FBXO32: variants seen among roughly 807,000 people sequenced by gnomAD.
The protein encoded by FBXO32 is F-box protein 32, also known as F-box only protein 32.
FBXO32 carries 15 observed loss-of-function variants against 48.3 expected under a neutral mutation model. The observed-to-expected ratio is 0.31, with a 90% CI of 0.21 to 0.48. The LOEUF (loss-of-function observed/expected upper bound fraction) is 0.48. Among genes scored for constraint, FBXO32 ranks in the 20% least tolerant of loss-of-function variants. FBXO32 has a pLI of 0.99. For synonymous variants in FBXO32, 154 were observed against 165.9 expected, an observed-to-expected ratio of 0.93 and a Z score of 0.55; for missense variants, 309 against 432.7, an observed-to-expected ratio of 0.71 and a Z score of 2.54.
chr8:123,538,406 A>C (rs1206215338), intron 1 of FBXO32, among the ~76,000 whole-genome samples: 1 of 152,176 alleles, frequency 6.6e-6, no homozygotes. Context: ...TCTCTGTTTC[A>C]CGGTCCCTCC....
At chr8:123,512,505 G>C (rs1398679103) in intron 6 of FBXO32, among the ~76,000 whole-genome samples, 1 of 150,302 alleles carries the variant, frequency 6.7e-6, no homozygotes, top group Non-Finnish European at 1.5e-5. Flanking sequence ...TGAGCCCTAA[G>C]AGATTACACC....
chr8:123,503,604 T>C, intron 8 of FBXO32, 142 bp from the exon 9 acceptor site: 1 of 620,602 alleles, frequency 1.6e-6, no homozygotes, highest in Admixed American at 2.8e-5. Context: ...CTCACTCGTA[T>C]GTGGGAGCTG....
At chr8:123,519,083 G>T (rs142010394) in intron 4 of FBXO32, among the ~76,000 whole-genome samples, 1 of 152,080 alleles carries the variant, frequency 6.6e-6, no homozygotes, top group East Asian at 1.9e-4. Flanking sequence ...TTTCAGCCTC[G>T]CAAAGTGCTG....
At chr8:123,527,514 C>A (rs1172935186) in intron 4 of FBXO32, among the ~76,000 whole-genome samples, 1 of 152,098 alleles carries the variant, frequency 6.6e-6, no homozygotes, top group Non-Finnish European at 1.5e-5. Context: ...TGTCACTGAG[C>A]CTCACTGGGG....
intron 4 of FBXO32, among the ~76,000 whole-genome samples, chr8:123,521,682 A>C (rs1160353005): frequency 6.6e-6 from 1 of 152,066 alleles, no homozygotes; most frequent in Non-Finnish European, 1.5e-5. Context: ...GAATGAGAAC[A>C]CAATTTATCC....
chr8:123,515,188 A>G (rs1816815217), intron 4 of FBXO32, among the ~76,000 whole-genome samples: 1 of 152,186 alleles, frequency 6.6e-6, no homozygotes, highest in South Asian at 2.1e-4. Context: ...AATGCACATA[A>G]AGCCCTCAGC....
chr8:123,540,915 C>G lies in FBXO32; in HGVS notation c.100G>C (p.Val34Leu). The part of the protein sequence containing the change: ...RFLDEKSGSF[V>L]SDLSSYCNKE... ...TCCCCTCACCTGCTGAGGTCGCTCA[C>G]GAAACTGCCGCTCTTCTCATCCAGG... is the stretch of plus-strand genomic sequence containing the variant. Residue 34 changes from valine (V) to leucine (L), a missense_variant, in exon 1 of 9, where the codon GTG becomes CTG. Transcript: ENST00000517956. The surrounding 1 kb of genome is among the most constrained non-coding windows in gnomAD (Gnocchi z 6.4). 2 of 1,613,492 alleles carry G rather than the reference C, an allele frequency of 1.2e-6. No homozygotes were observed. Among genetic ancestry groups the G allele is most frequent in the Non-Finnish European group, 1.7e-6 (2 of 1,179,670 alleles).
At position 123,506,654 on chromosome 8, in the gene FBXO32, G is replaced by A; in HGVS notation, c.652-80C>T. The A allele has an allele frequency of 1.6e-6, 2 of 1,256,308 alleles. No homozygotes were observed. The highest frequency in any genetic ancestry group is 1.4e-5 in the South Asian group (1 of 69,030). The allele number at this position is 1,256,308 out of a possible 1,614,324, so 77.8% of individuals were successfully genotyped here. A position where few individuals can be genotyped will look rare whatever the true frequency, so the allele number is the denominator to read the frequency against. On this transcript the variant is annotated intron_variant, in intron 6 of 8. Transcript: ENST00000517956. This position sits in a 1 kb window ranked among gnomAD's most constrained non-coding sequence, Gnocchi z 4.0. ...GGCCACACCCTCCAGGCATGCAGCT[G>A]TGCCCGTCCTCCACCCTCAAGGCAG...
intron 3 of FBXO32, 104 bp downstream of exon 3, chr8:123,533,087 G>A (rs907307629): frequency 1.9e-5 from 15 of 793,738 alleles, no homozygotes; most frequent in Middle Eastern, 2.3e-4. Flanking sequence ...CATCCAAGAA[G>A]ACTCTCATGA....
Position 123,503,469 on chromosome 8 carries a change from A to G in FBXO32, c.979-7T>C. ...TGCACGGATGGTCAGTGCCCTGGAA[A>G]GGAACACATGGTTAGCTTCAAGTTC... On this transcript the variant is annotated splice_polypyrimidine_tract_variant and splice_region_variant and intron_variant, in intron 8 of 8. Coordinates refer to ENST00000517956, the MANE Select transcript of FBXO32 (RefSeq NM_058229.4). 1.2e-6 allele frequency: 2 copies of G among 1,613,150 alleles called. No homozygotes were observed. The highest frequency in any genetic ancestry group is 8.5e-7 in the Non-Finnish European group (1 of 1,179,258).
chr8:123,505,863 G>A (rs767382606), intron 7 of FBXO32, among the ~76,000 whole-genome samples: 18 of 152,122 alleles, frequency 1.2e-4, no homozygotes, highest in Non-Finnish European at 2.4e-4. Flanking sequence ...AATAGGTTAA[G>A]AATGTAAGTT....
At chr8:123,539,560 G>A (rs746345164) in intron 1 of FBXO32, among the ~76,000 whole-genome samples, 1 of 152,178 alleles carries the variant, frequency 6.6e-6, no homozygotes, top group Non-Finnish European at 1.5e-5. Context: ...TATGCTGGTG[G>A]TTAATACGCT....
intron 8 of FBXO32, among the ~76,000 whole-genome samples, chr8:123,503,918 AATT>A (rs1240621921): frequency 6.6e-6 from 1 of 152,142 alleles, no homozygotes; most frequent in Non-Finnish European, 1.5e-5. Flanking sequence ...TTCTACTAAA[AATT>A]ACAGAAATTA....
At chr8:123,533,880 C>T (rs1239744233) in intron 2 of FBXO32, among the ~76,000 whole-genome samples, 2 of 150,916 alleles carry the variant, frequency 1.3e-5, no homozygotes, top group African/African-American at 4.9e-5. Context: ...ATCGCTTGAG[C>T]CCTGGAGTTT....
chr8:123,505,730 C>T (rs764045628), intron 7 of FBXO32, among the ~76,000 whole-genome samples: 7 of 151,756 alleles, frequency 4.6e-5, no homozygotes, highest in Non-Finnish European at 1.0e-4. Flanking sequence ...AGTGAGATTC[C>T]ATCTCAAAAA....
intron 4 of FBXO32, among the ~76,000 whole-genome samples, chr8:123,524,806 C>T (rs955299413): frequency 4.6e-5 from 7 of 152,254 alleles, no homozygotes; most frequent in Non-Finnish European, 1.0e-4. Context: ...GTGTGAGCCA[C>T]CACGCCCGGC....
chr8:123,505,112 C>A (rs1315900030), intron 7 of FBXO32, among the ~76,000 whole-genome samples: 1 of 152,142 alleles, frequency 6.6e-6, no homozygotes. Context: ...CAGGGAGATG[C>A]AATAACTGCT....
At chr8:123,512,410 G>A (rs1009739920) in intron 6 of FBXO32, among the ~76,000 whole-genome samples, 3 of 152,106 alleles carry the variant, frequency 2.0e-5, no homozygotes, top group African/African-American at 7.2e-5. Context: ...TGTGGGTCCC[G>A]GAAACCACTT....
chr8:123,535,674 A>G (rs1236282475), intron 1 of FBXO32, among the ~76,000 whole-genome samples: 2 of 152,216 alleles, frequency 1.3e-5, no homozygotes, highest in Admixed American at 1.3e-4. Context: ...CTACTATACA[A>G]TGTAACTTCA....
Sources: allele counts gnomAD v4.1 joint callset (sites outside exome capture counted in the v4.1 genomes callset), GRCh38; gene constraint gnomAD v4.1.1; non-coding constraint Gnocchi (gnomAD v3.1); transcripts MANE v1.5; gene names NCBI Gene and HGNC (gene_info 2026-07-23, HGNC 2026-07-21).